The following STYXL2 variants were observed in gnomAD, a reference collection of about 807,000 sequenced individuals.
STYXL2 encodes serine/threonine/tyrosine-interacting-like protein 2.
STYXL2 carries 44 observed loss-of-function variants against 52.4 expected under a neutral mutation model. The ratio of observed to expected loss-of-function variants is 0.84; its 90% CI spans 0.66 to 1.08. STYXL2 has a LOEUF of 1.08. Among genes scored for constraint, STYXL2 ranks in the 50% least tolerant of loss-of-function variants. The pLI, the probability that STYXL2 is intolerant of heterozygous loss-of-function variation, is 0.00. For synonymous variants in STYXL2, 604 were observed against 586.9 expected (o/e 1.03, Z -0.42); for missense variants, 1,604 against 1,471.7 (o/e 1.09, Z -1.47).
In STYXL2 at chr1:167,126,088, C is replaced by T; in HGVS notation, c.957C>T (p.Asp319=). The change falls in exon 6 of 6, where the codon GAC becomes GAT. Residue 319 remains aspartate (D), a synonymous_variant. Transcript: ENST00000361200. ...CCCTGACGGTGGAAGAGGAGGACGA[C>T]AGCGCCAGCCACCTGAGTGGCTCCT... is the stretch of plus-strand genomic sequence containing the variant. ...VHALTVEEED[D]SASHLSGSSL... 1 of 1,527,420 alleles carries T rather than the reference C, an allele frequency of 6.5e-7. No homozygotes were observed. Among genetic ancestry groups the T allele is most frequent in the Non-Finnish European group, 8.8e-7 (1 of 1,139,060 alleles). 94.6% of individuals were successfully genotyped at this position (1,527,420 alleles called of 1,614,324 possible). A position where few individuals can be genotyped will look rare whatever the true frequency, so the allele number is the denominator to read the frequency against.
intron 3 of STYXL2, among the ~76,000 whole-genome samples, chr1:167,115,850 C>T (rs1667711300): frequency 6.6e-6 from 1 of 152,104 alleles, no homozygotes; most frequent in African/African-American, 2.4e-5. Flanking sequence ...GTGGGGGTCC[C>T]TCAGGGGGGT....
intron 2 of STYXL2, among the ~76,000 whole-genome samples, chr1:167,102,304 A>T (rs865806435): frequency 3.3e-5 from 5 of 150,266 alleles, no homozygotes; most frequent in Non-Finnish European, 3.0e-5. Flanking sequence ...GTTTTTTAAA[A>T]ATATATATAT....
chr1:167,126,419 C>T lies in STYXL2; in HGVS notation c.1288C>T (p.Arg430Trp). The change falls in exon 6 of 6, where the codon CGG (arginine) becomes TGG (tryptophan). Residue 430 changes from arginine (R) to tryptophan (W), a missense_variant. Transcript: ENST00000361200. ...CGACGCTGGCTCCTCGGTGGGGAGG[C>T]GGCGGCGCACCCTGAGCGAGAGCAG... ...ESDAGSSVGR[R>W]RRTLSESSAW... The T allele has an allele frequency of 6.4e-7, 1 of 1,560,346 alleles. No individual in the cohort carries two copies. The highest frequency in any genetic ancestry group is 8.7e-7 in the Non-Finnish European group (1 of 1,152,770).
In STYXL2 at chr1:167,113,720, G is replaced by T. The variant is rs901316098; in HGVS notation, c.121G>T (p.Val41Phe). ...RSPSPSQYSM[V>F]SDAETESIFM... is the part of the protein sequence containing the mutation. ...ATCCTCTTCCCTTAGGTATTCGATG[G>T]TCTCAGATGCAGAAACAGAAAGCAT... Residue 41 changes from valine to phenylalanine, a missense_variant, in exon 3 of 6, where the codon GTC (valine) becomes TTC (phenylalanine). Transcript: ENST00000361200. 6.2e-7 allele frequency: 1 copy of T among 1,613,198 alleles called. No individual in the cohort carries two copies. Among genetic ancestry groups the T allele is most frequent in the Non-Finnish European group, 8.5e-7 (1 of 1,179,172 alleles).
Position 167,119,357 on chromosome 1 carries a change from G to A in STYXL2, c.546G>A (p.Leu182=), listed in dbSNP as rs1225326796. The A allele has an allele frequency of 1.2e-6, 2 of 1,614,096 alleles. No individual in the cohort carries two copies. Among genetic ancestry groups the A allele is most frequent in the African/African-American group, 2.7e-5 (2 of 74,940 alleles). The change falls in exon 5 of 6, where the codon CTG becomes CTA. Residue 182 remains leucine, a synonymous_variant. Coordinates refer to ENST00000361200, the MANE Select transcript of STYXL2 (RefSeq NM_001080426.3). ...CTGGCCCCGAATTCTACACTGGCCT[G>A]GAGATCCAGTACCTGGGTGTAGAGG... ...VYTGPEFYTG[L]EIQYLGVEVD...
chr1:167,116,489 T>C (rs1466627925), intron 3 of STYXL2, among the ~76,000 whole-genome samples: 2 of 152,124 alleles, frequency 1.3e-5, no homozygotes, highest in Non-Finnish European at 2.9e-5. Context: ...GTAAATTAGG[T>C]GTATATTAGA....
intron 2 of STYXL2, among the ~76,000 whole-genome samples, chr1:167,108,365 A>G (rs190700213): frequency 1.3e-5 from 2 of 152,322 alleles, no homozygotes; most frequent in East Asian, 3.9e-4. Flanking sequence ...GTCTTCACCA[A>G]GTAATGAGAT....
chr1:167,097,110 C>G (rs1223449493), intron 2 of STYXL2, among the ~76,000 whole-genome samples: 2 of 152,210 alleles, frequency 1.3e-5, no homozygotes, highest in Non-Finnish European at 2.9e-5. Flanking sequence ...GAGAAATACC[C>G]TTGTCTATTG....
chr1:167,094,912 C>A lies in STYXL2; in HGVS notation c.63C>A (p.Asn21Lys), dbSNP rs372564326. 2.3e-5 allele frequency: 37 copies of A among 1,612,498 alleles called. No individual in the cohort carries two copies. The African/African-American group carries it at 4.3e-4, about 19-fold the overall frequency. ...QVVPSEEDEA[N>K]VRAVQAHYLR... is the part of the protein sequence containing the mutation. ...TCCCAAGCGAGGAGGACGAAGCCAA[C>A]GTGAGGGCGGTGCAGGCCCACTACC... The change falls in exon 2 of 6, where the codon AAC (asparagine) becomes AAA (lysine). Residue 21 changes from asparagine to lysine, a missense_variant. Asn to Lys is a moderately conservative substitution (Grantham distance 94, BLOSUM62 0). Transcript: ENST00000361200.
rs1206660067 is a variant in STYXL2 at position 167,127,772 on chromosome 1, G to T, written c.2641G>T (p.Gly881Cys). 6.2e-7 allele frequency: 1 copy of T among 1,613,842 alleles called. No homozygotes were observed. The highest frequency in any genetic ancestry group is 8.5e-7 in the Non-Finnish European group (1 of 1,180,010). ...KKKVKEDEDD[G>C]VGDGDEDTDS... The stretch of plus-strand genomic sequence containing the variant: ...GAAGGTCAAGGAAGATGAGGATGAT[G>T]GTGTGGGTGATGGGGATGAGGACAC... Residue 881 changes from glycine (G) to cysteine (C), a missense_variant, in exon 6 of 6, where the codon GGT (glycine) becomes TGT (cysteine). Physicochemically the swap from Gly to Cys is radical, Grantham distance 159. Coordinates refer to ENST00000361200, the MANE Select transcript of STYXL2 (RefSeq NM_001080426.3).
At chr1:167,113,684 C>T in intron 2 of STYXL2, 26 bp from the exon 3 acceptor site, 3 of 1,554,510 alleles carry the variant, frequency 1.9e-6, no homozygotes, top group South Asian at 2.2e-5. Flanking sequence ...ACAGGCTTAT[C>T]TCACGTGAAT....
intron 2 of STYXL2, 22 bp downstream of exon 2, chr1:167,094,981 A>C (rs1571327388): frequency 6.4e-7 from 1 of 1,557,528 alleles, no homozygotes; most frequent in Non-Finnish European, 8.7e-7. Flanking sequence ...CTTATCTCCC[A>C]CCCTCACAGC....
chr1:167,104,039 G>A (rs1037918117), intron 2 of STYXL2, among the ~76,000 whole-genome samples: 2 of 152,098 alleles, frequency 1.3e-5, no homozygotes, highest in African/African-American at 4.8e-5. Context: ...TGAATGGCAT[G>A]AATCGGGAGG....
At position 167,128,783 on chromosome 1, in the gene STYXL2, A is replaced by C; in HGVS notation, c.*175A>C. On this transcript the variant is annotated 3_prime_UTR_variant, in exon 6 of 6. Transcript: ENST00000361200. ...AGCAGAGGTGGAGTAGGGAGGAGGCAAGGAGGGGGAGAACCATCAATACGA... is the reference window on the plus strand; with the variant it reads ...AGCAGAGGTGGAGTAGGGAGGAGGCCAGGAGGGGGAGAACCATCAATACGA... The C allele has an allele frequency of 1.9e-6, 2 of 1,036,750 alleles. No individual in the cohort carries two copies. Among genetic ancestry groups the C allele is most frequent in the Non-Finnish European group, 2.7e-6 (2 of 742,550 alleles). 64.2% of individuals were successfully genotyped at this position (1,036,750 alleles called of 1,614,324 possible).
At chr1:167,112,074 C>G (rs1051958143) in intron 2 of STYXL2, among the ~76,000 whole-genome samples, 2 of 152,138 alleles carry the variant, frequency 1.3e-5, no homozygotes, top group Non-Finnish European at 2.9e-5. Flanking sequence ...CCCATGCAGC[C>G]TCTAGTGAAC....
At chr1:167,101,968 G>A (rs910622158) in intron 2 of STYXL2, among the ~76,000 whole-genome samples, 3 of 151,992 alleles carry the variant, frequency 2.0e-5, no homozygotes, top group Admixed American at 6.6e-5. Context: ...ATACAGCAAC[G>A]AAAAGAAATG....
At chr1:167,109,102 G>A (rs992689771) in intron 2 of STYXL2, among the ~76,000 whole-genome samples, 1 of 152,224 alleles carries the variant, frequency 6.6e-6, no homozygotes, top group Non-Finnish European at 1.5e-5. Flanking sequence ...AAGGACCACA[G>A]GGAGAAGGAA....
chr1:167,113,655 T>G, intron 2 of STYXL2, 55 bp from the exon 3 acceptor site: 2 of 1,308,720 alleles, frequency 1.5e-6, no homozygotes, highest in Non-Finnish European at 2.2e-6. Context: ...TCTAAAAGAA[T>G]GCCTTCAGTT....
intron 3 of STYXL2, among the ~76,000 whole-genome samples, chr1:167,114,236 A>G (rs1228332184): frequency 6.6e-6 from 1 of 152,190 alleles, no homozygotes; most frequent in African/African-American, 2.4e-5. Flanking sequence ...GAGGAGGGAA[A>G]GGCTTGGGTG....
Sources: gnomAD v4.1 joint callset for allele counts (sites outside exome capture counted in the v4.1 genomes callset) on GRCh38, gnomAD v4.1.1 for gene constraint, MANE v1.5 for transcripts, NCBI Gene and HGNC (gene_info 2026-07-23, HGNC 2026-07-21) for gene names.